The following PHF12 variants were observed in gnomAD, a reference collection of about 807,000 sequenced individuals.
PHF12 encodes PHD factor 1.
Under a neutral mutation model 99.8 loss-of-function variants are expected in PHF12, and 6 were observed. The observed-to-expected ratio is 0.06, with a 90% confidence interval of 0.03 to 0.12. The LOEUF (loss-of-function observed/expected upper bound fraction) is 0.12. Among genes scored for constraint, PHF12 ranks in the 10% least tolerant of loss-of-function variants. PHF12 has a pLI of 1.00. For synonymous variants in PHF12, 480 were observed against 514.9 expected, an observed-to-expected ratio of 0.93 and a Z score of 0.92; for missense variants, 954 against 1,300.1, an observed-to-expected ratio of 0.73 and a Z score of 4.09.
chr17:28,942,027 T>C (rs2040626655), intron 2 of PHF12, among the ~76,000 whole-genome samples: 1 of 152,200 alleles, frequency 6.6e-6, no homozygotes, highest in African/African-American at 2.4e-5. Context: ...GGTGGATTTT[T>C]TGTACTTCCT....
chr17:28,910,442 G>C (rs2152656244), intron 10 of PHF12, 73 bp from the exon 11 acceptor site: 1 of 1,502,462 alleles, frequency 6.7e-7, no homozygotes, highest in South Asian at 1.3e-5. Context: ...CAGGGTCACA[G>C]AGCAAATAGT....
rs2040765171 is a variant in PHF12 at position 28,949,156 on chromosome 17, G to A, written c.248+909C>T. 6.6e-6 allele frequency among the ~76,000 whole-genome samples: 1 copy of A among 152,186 alleles called. No individual in the cohort carries two copies. The highest frequency in any genetic ancestry group is 1.5e-5 in the Non-Finnish European group (1 of 68,030). On this transcript the variant is annotated intron_variant, in intron 2 of 14. Coordinates refer to ENST00000332830, the MANE Select transcript of PHF12 (RefSeq NM_001033561.2). The surrounding 1 kb of genome is among the most constrained non-coding windows in gnomAD (Gnocchi z 4.6). The stretch of plus-strand genomic sequence containing the variant: ...TCAGCTCCTTAAAAATGCCTTTCTA[G>A]TGCCACCGCACACAATCCTCCCTCT...
chr17:28,919,312 A>G (rs1208038285), intron 5 of PHF12, 37 bp from the exon 6 acceptor site: 6 of 1,604,394 alleles, frequency 3.7e-6, no homozygotes, highest in Non-Finnish European at 5.1e-6. Context: ...CTGTGGCAAG[A>G]AAAGGAAAAT....
intron 2 of PHF12, chr17:28,929,807 G>A (rs1396270013): frequency 6.6e-6 from 1 of 152,108 alleles, no homozygotes; most frequent in Non-Finnish European, 1.5e-5. Context: ...GAGGACCACA[G>A]GTGAATGTCA....
At chr17:28,908,903 AG>A (rs2039914611) in intron 11 of PHF12, 22 bp from the exon 12 acceptor site, 1 of 1,594,254 alleles carries the variant, frequency 6.3e-7, no homozygotes, top group South Asian at 1.1e-5. Context: ...ACATAGGAAT[AG>A]GATCATTCAG....
Position 28,912,520 on chromosome 17 carries a change from G to A in PHF12, c.2051C>T (p.Thr684Ile). 1 of 1,609,388 alleles carries A rather than the reference G, an allele frequency of 6.2e-7. No homozygotes were observed. Among genetic ancestry groups the A allele is most frequent in the Non-Finnish European group, 8.5e-7 (1 of 1,176,154 alleles). ...TGGTGAGCTGAATCGTTGGTTGGCT[G>A]TTGTGGCCAAGATACCATCTCCTGC... ...QAAGDGILATTANQRFSSPAP... is the reference protein window; with the variant it reads ...QAAGDGILATIANQRFSSPAP... The change falls in exon 9 of 15, where the codon ACA (threonine) becomes ATA (isoleucine). Residue 684 changes from threonine to isoleucine, a missense_variant. Thr to Ile is a moderately conservative substitution (Grantham distance 89). Around this residue, in one of 8 missense-constraint regions of PHF12, gnomAD observed 392 missense variants for 423.1 expected, o/e 0.93. Transcript: ENST00000332830.
At chr17:28,924,419 A>T in intron 3 of PHF12, 117 bp from the exon 4 acceptor site, 1 of 1,384,838 alleles carries the variant, frequency 7.2e-7, no homozygotes, top group Non-Finnish European at 1.0e-6. Flanking sequence ...CATATCACAG[A>T]CTCATCTACC....
intron 3 of PHF12, 154 bp from the exon 4 acceptor site, chr17:28,924,456 A>G: frequency 3.1e-6 from 3 of 962,724 alleles, no homozygotes; most frequent in Non-Finnish European, 4.7e-6. Flanking sequence ...TGGTCTGTTA[A>G]AGTTGACACA....
intron 2 of PHF12, among the ~76,000 whole-genome samples, chr17:28,938,997 C>A (rs1462709848): frequency 6.6e-6 from 1 of 152,198 alleles, no homozygotes; most frequent in Non-Finnish European, 1.5e-5. Context: ...GGAAAGCCCT[C>A]AAAGAAAGGC....
chr17:28,937,086 T>G (rs1204715846), intron 2 of PHF12, among the ~76,000 whole-genome samples: 1 of 152,188 alleles, frequency 6.6e-6, no homozygotes, highest in Non-Finnish European at 1.5e-5. Flanking sequence ...GAAAACAAAC[T>G]TATGTCCTGG....
In PHF12 at chr17:28,951,101, C is replaced by A; in HGVS notation, c.-141G>T. ...GTCCCGACTTCCTCGCCCTGGCTCC[C>A]CCCCACCCCCCGGCCCCCAGTCCCC... On this transcript the variant is annotated 5_prime_UTR_variant, in exon 1 of 15. Coordinates refer to ENST00000332830, the MANE Select transcript of PHF12 (RefSeq NM_001033561.2). The A allele has an allele frequency of 6.9e-7, 1 of 1,459,738 alleles. No individual in the cohort carries two copies. The highest frequency in any genetic ancestry group is 9.0e-7 in the Non-Finnish European group (1 of 1,106,400). 90.4% of individuals were successfully genotyped at this position (1,459,738 alleles called of 1,614,324 possible). A position where few individuals can be genotyped will look rare whatever the true frequency, so the allele number is the denominator to read the frequency against.
rs193205603 is a variant in PHF12 at position 28,914,141 on chromosome 17, G to A, written c.1135-104C>T. ...TCTGTCTGTGGTGCTGGTGCTCAAG[G>A]GACCATCCACTCTGGGGTCTGCTGA... On this transcript the variant is annotated intron_variant, in intron 7 of 14. Transcript: ENST00000332830. 358 of 1,292,302 alleles carry A rather than the reference G, an allele frequency of 2.8e-4. No individual in the cohort carries two copies. The African/African-American group carries it at 4.0e-3, about 14-fold the overall frequency. The allele number at this position is 1,292,302 out of a possible 1,614,324, so 80.1% of individuals were successfully genotyped here.
chr17:28,915,134 T>A (rs566407759), intron 7 of PHF12, among the ~76,000 whole-genome samples: 1 of 152,262 alleles, frequency 6.6e-6, no homozygotes, highest in South Asian at 2.1e-4. Flanking sequence ...AGGAAGTCAG[T>A]ATTTGGGTTG....
intron 2 of PHF12, among the ~76,000 whole-genome samples, chr17:28,943,767 TAA>T (rs1460074642): frequency 2.0e-5 from 3 of 147,412 alleles, no homozygotes; most frequent in Non-Finnish European, 4.5e-5. Context: ...AACTAATAAA[TAA>T]AATGTCATCC....
intron 9 of PHF12, chr17:28,912,080 C>CTCGG: frequency 9.8e-7 from 1 of 1,019,266 alleles, no homozygotes; most frequent in Non-Finnish European, 1.2e-6. Context: ...TTGTGTGGAT[C>CTCGG]TGACAATACT....
rs747886863 is a variant in PHF12, at chr17:28,912,849, G to A, written c.1722C>T (p.Gly574=). 1 of 1,609,412 alleles carries A rather than the reference G, an allele frequency of 6.2e-7. No homozygotes were observed. The highest frequency in any genetic ancestry group is 8.5e-7 in the Non-Finnish European group (1 of 1,176,816). The part of the protein sequence containing the change: ...RLPGANTPLP[G]LSHRQGWPRP... The stretch of plus-strand genomic sequence containing the variant: ...GGGGCCAGCCTTGCCGGTGTGAGAG[G>A]CCTGGTAGTGGGGTGTTAGCGCCTG... The change falls in exon 9 of 15, where the codon GGC becomes GGT. Residue 574 remains glycine, a synonymous_variant. Transcript: ENST00000332830.
At chr17:28,911,290 G>T in intron 9 of PHF12, 53 bp from the exon 10 acceptor site, 1 of 1,606,674 alleles carries the variant, frequency 6.2e-7, no homozygotes, top group Non-Finnish European at 8.5e-7. Context: ...GAAACCCACC[G>T]TCCAATCCCC....
Position 28,913,869 on chromosome 17 carries a change from C to G in PHF12, c.1293+10G>C. 1.3e-6 allele frequency: 2 copies of G among 1,590,654 alleles called. No homozygotes were observed. The highest frequency in any genetic ancestry group is 2.7e-5 in the African/African-American group (2 of 74,564). ...GTTGGATTTGGAATCCCCGCCCCAC[C>G]TTCACTCACCTCTTGCTGCTCTGCT... On this transcript the variant is annotated intron_variant, in intron 8 of 14. Coordinates refer to ENST00000332830, the MANE Select transcript of PHF12 (RefSeq NM_001033561.2).
At chr17:28,919,052 T>G (rs1315764413) in intron 6 of PHF12, 91 bp downstream of exon 6, 172 of 1,470,624 alleles carry the variant, frequency 1.2e-4, no homozygotes, top group Non-Finnish European at 5.2e-5. Flanking sequence ...GTGGTGAACT[T>G]GGCACCAAGC....
Sources: allele counts gnomAD v4.1 joint callset (sites outside exome capture counted in the v4.1 genomes callset), GRCh38; gene constraint gnomAD v4.1.1; regional missense constraint gnomAD v4.1.1; non-coding constraint Gnocchi (gnomAD v3.1); transcripts MANE v1.5; gene names NCBI Gene and HGNC (gene_info 2026-07-23, HGNC 2026-07-21).